TMCO4: variants seen among roughly 807,000 people sequenced by gnomAD.
The protein encoded by TMCO4 is transmembrane and coiled-coil domain-containing protein 4.
TMCO4 carries 58 observed loss-of-function variants against 64.7 expected under a neutral mutation model. The ratio of observed to expected loss-of-function variants is 0.90; its 90% confidence interval spans 0.73 to 1.12. The LOEUF (loss-of-function observed/expected upper bound fraction) is 1.12. Among genes scored for constraint, TMCO4 ranks in the 50% most tolerant of loss-of-function variants. The probability of loss-of-function intolerance (pLI) is 0.00; values close to 1 mark genes in which losing one functional copy is unlikely to be tolerated. For synonymous variants in TMCO4, 325 were observed against 346.1 expected, an observed-to-expected ratio of 0.94 and a Z score of 0.68; for missense variants, 780 against 825.9, an observed-to-expected ratio of 0.94 and a Z score of 0.68.
intron 13 of TMCO4, among the ~76,000 whole-genome samples, chr1:19,723,230 G>A (rs768062281): frequency 6.6e-6 from 1 of 152,228 alleles, no homozygotes. Context: ...CATTTCCTCG[G>A]AGTATCATGT....
intron 13 of TMCO4, among the ~76,000 whole-genome samples, chr1:19,729,736 G>C (rs928566691): frequency 6.6e-6 from 1 of 152,052 alleles, no homozygotes; most frequent in East Asian, 1.9e-4. Context: ...CTGCACTCCA[G>C]CTAGGGTGAC....
chr1:19,745,481 C>G lies in TMCO4; in HGVS notation c.877+51G>C, dbSNP rs56691632. 5.9e-3 allele frequency: 9,437 copies of G among 1,612,424 alleles called. 454 individuals carry two copies. The African/African-American group carries it at 0.11, about 19-fold the overall frequency. ...GTAAAAACCTAGCCCAGGGTCTGGC[C>G]CAGGCCACCACTGCCCACCCCCCTC... is the stretch of plus-strand genomic sequence containing the variant. On this transcript the variant is annotated intron_variant, in intron 10 of 15. Coordinates refer to ENST00000294543, the MANE Select transcript of TMCO4 (RefSeq NM_181719.7).
rs780751086 is a variant in TMCO4 at position 19,739,966 on chromosome 1, G to A, written c.1043-6C>T. On this transcript the variant is annotated splice_region_variant and splice_polypyrimidine_tract_variant and intron_variant, in intron 11 of 15. Coordinates refer to ENST00000294543, the MANE Select transcript of TMCO4 (RefSeq NM_181719.7). ...GGTCAGGGCAGCCACAATGCCTGGG[G>A]AGGTGAGATAGTGATGAAGGGAATG... The A allele has an allele frequency of 9.9e-6, 16 of 1,611,856 alleles. No homozygotes were observed. The highest frequency in any genetic ancestry group is 1.2e-5 in the Non-Finnish European group (14 of 1,179,024).
Position 19,683,164 on chromosome 1 carries a change from G to C in TMCO4, c.1781C>G (p.Ala594Gly). Residue 594 changes from alanine to glycine, a missense_variant, in exon 16 of 16, where the codon GCC (alanine) becomes GGC (glycine). Physicochemically the swap from Ala to Gly is moderately conservative, Grantham distance 60. Transcript: ENST00000294543. ...AGGGCTGGCAGCAGCAGGAAGGGAG[G>C]CCCCTTCAGACTGGTCCAGCCCTAC... The part of the protein sequence containing the change: ...VPVGLDQSEG[A>G]SLPAAASPER... 1 of 1,614,214 alleles carries C rather than the reference G, an allele frequency of 6.2e-7. No homozygotes were observed.
At chr1:19,709,456 A>G (rs1161967411) in intron 13 of TMCO4, among the ~76,000 whole-genome samples, 1 of 152,056 alleles carries the variant, frequency 6.6e-6, no homozygotes, top group African/African-American at 2.4e-5. Flanking sequence ...GCTGTCTGCT[A>G]TCATGGAGAT....
At chr1:19,748,830 ATGAG>A (rs373616701) in intron 7 of TMCO4, among the ~76,000 whole-genome samples, 2,304 of 142,664 alleles carry the variant, frequency 0.016, 41 homozygotes, top group African/African-American at 0.05. Context: ...TCTCGAATGA[ATGAG>A]TGAATGAATG....
chr1:19,780,800 C>T, intron 3 of TMCO4, 34 bp from the exon 4 acceptor site: 1 of 1,507,752 alleles, frequency 6.6e-7, no homozygotes, highest in Middle Eastern at 2.4e-4. Context: ...GAAATGCTTC[C>T]AGAGGTAAGC....
chr1:19,762,151 G>A (rs1315785255), intron 6 of TMCO4, among the ~76,000 whole-genome samples: 2 of 152,192 alleles, frequency 1.3e-5, no homozygotes, highest in African/African-American at 4.8e-5. Flanking sequence ...CACTATGAGT[G>A]CCTTTTAAAG....
intron 13 of TMCO4, among the ~76,000 whole-genome samples, chr1:19,720,217 G>A (rs2095376129): frequency 6.6e-6 from 1 of 151,898 alleles, no homozygotes; most frequent in Non-Finnish European, 1.5e-5. Flanking sequence ...TGGCCATGGT[G>A]GTCTCAAACT....
chr1:19,789,590 CT>C (rs1412745824), intron 2 of TMCO4, among the ~76,000 whole-genome samples: 1 of 151,978 alleles, frequency 6.6e-6, no homozygotes, highest in African/African-American at 2.4e-5. Flanking sequence ...CTTATTGGTG[CT>C]TTTATAATGT....
At chr1:19,733,237 A>G (rs2095437818) in intron 13 of TMCO4, among the ~76,000 whole-genome samples, 1 of 152,158 alleles carries the variant, frequency 6.6e-6, no homozygotes, top group Non-Finnish European at 1.5e-5. Context: ...ACTGCACTCC[A>G]GTCTGGGTGA....
chr1:19,753,802 T>G (rs992446532), intron 7 of TMCO4, among the ~76,000 whole-genome samples: 1 of 152,190 alleles, frequency 6.6e-6, no homozygotes, highest in African/African-American at 2.4e-5. Flanking sequence ...CCACAGAATC[T>G]GAGAGTCCCT....
intron 13 of TMCO4, among the ~76,000 whole-genome samples, chr1:19,724,182 C>T (rs952866298): frequency 6.6e-6 from 1 of 152,212 alleles, no homozygotes; most frequent in African/African-American, 2.4e-5. Flanking sequence ...ATTACTGCTA[C>T]ATTAGTGAGC....
At chr1:19,757,163 G>GGT (rs2042297214) in intron 6 of TMCO4, among the ~76,000 whole-genome samples, 1 of 151,316 alleles carries the variant, frequency 6.6e-6, no homozygotes, top group African/African-American at 2.4e-5. Context: ...TGGTGGCGGG[G>GGT]GGGGGCGCCT....
chr1:19,788,322 T>C (rs2043846699), intron 2 of TMCO4, among the ~76,000 whole-genome samples: 1 of 152,162 alleles, frequency 6.6e-6, no homozygotes, highest in East Asian at 1.9e-4. Flanking sequence ...TCAGAGACTT[T>C]TCTGTATTTC....
intron 13 of TMCO4, among the ~76,000 whole-genome samples, chr1:19,725,893 C>G (rs946542316): frequency 2.0e-5 from 3 of 152,220 alleles, no homozygotes; most frequent in African/African-American, 7.2e-5. Flanking sequence ...GGCAATAGAT[C>G]AACCAGCTGG....
intron 7 of TMCO4, among the ~76,000 whole-genome samples, chr1:19,754,168 C>T (rs943829886): frequency 2.0e-5 from 3 of 152,216 alleles, no homozygotes; most frequent in Non-Finnish European, 4.4e-5. Flanking sequence ...TGGTTTATAT[C>T]TTCCCTGACC....
intron 14 of TMCO4, among the ~76,000 whole-genome samples, chr1:19,698,409 C>T (rs192138996): frequency 1.7e-3 from 257 of 152,314 alleles, no homozygotes; most frequent in Middle Eastern, 0.01. Context: ...TTTTGAGTTT[C>T]ACTTCCTCAG....
intron 13 of TMCO4, among the ~76,000 whole-genome samples, chr1:19,722,596 A>C (rs2100746573): frequency 6.6e-6 from 1 of 152,276 alleles, no homozygotes; most frequent in African/African-American, 2.4e-5. Context: ...GGTAATTATG[A>C]GCACCCAACT....
Sources: allele counts gnomAD v4.1 joint callset (sites outside exome capture counted in the v4.1 genomes callset), GRCh38; gene constraint gnomAD v4.1.1; transcripts MANE v1.5; gene names NCBI Gene and HGNC (gene_info 2026-07-23, HGNC 2026-07-21).